The following PCBP2 variants were observed in gnomAD, a reference collection of about 807,000 sequenced individuals.
The protein encoded by PCBP2 is poly(rC) binding protein 2, also known as poly(rC)-binding protein 2.
A neutral mutation model predicts 50.1 loss-of-function variants in PCBP2; 4 were observed. The observed-to-expected ratio is 0.08, with a 90% CI of 0.04 to 0.18. The LOEUF is 0.18. Among genes scored for constraint, PCBP2 ranks in the 10% least tolerant of loss-of-function variants. The pLI is 1.00. For synonymous variants in PCBP2, 179 were observed against 168.0 expected (o/e 1.07, Z -0.51); for missense variants, 161 against 474.3 (o/e 0.34, Z 6.14).
chr12:53,467,928 C>A (rs555641663), intron 12 of PCBP2, 85 bp downstream of exon 12: 2 of 1,038,412 alleles, frequency 1.9e-6, no homozygotes, highest in South Asian at 2.6e-5. Context: ...GCCCATGAAC[C>A]ATACCAGCAA....
At chr12:53,463,357 A>T (rs1941586785) in intron 8 of PCBP2, among the ~76,000 whole-genome samples, 1 of 152,198 alleles carries the variant, frequency 6.6e-6, no homozygotes, top group Non-Finnish European at 1.5e-5. Flanking sequence ...TAGGTAGATC[A>T]GGTTTTAAAA....
chr12:53,457,741 C>G (rs1312654958), intron 5 of PCBP2, among the ~76,000 whole-genome samples: 1 of 152,072 alleles, frequency 6.6e-6, no homozygotes, highest in Non-Finnish European at 1.5e-5. Context: ...CTTTAGGGGT[C>G]TTAAGTGCTT....
chr12:53,462,367 ATT>A, intron 7 of PCBP2, 124 bp from the exon 8 acceptor site: 1 of 653,202 alleles, frequency 1.5e-6, no homozygotes, highest in Non-Finnish European at 2.6e-6. Context: ...GCCAGAGACA[ATT>A]TGGTAGGTAA....
In PCBP2 at chr12:53,479,883, A is replaced by G. The variant is rs1011741958; in HGVS notation, c.*441A>G. 2.0e-5 allele frequency: 3 copies of G among 153,352 alleles called. No homozygotes were observed. Among genetic ancestry groups the G allele is most frequent in the African/African-American group, 7.3e-5 (3 of 41,374 alleles). 9.5% of individuals were successfully genotyped at this position (153,352 alleles called of 1,614,324 possible). A position where few individuals can be genotyped will look rare whatever the true frequency, so the allele number is the denominator to read the frequency against. ...TCTTGCTGTTATTTTTGTACCTTTTATCCCTCAAAGGACCCTTCTTGGGTT... is the reference window on the plus strand; with the variant it reads ...TCTTGCTGTTATTTTTGTACCTTTTGTCCCTCAAAGGACCCTTCTTGGGTT... On this transcript the variant is annotated 3_prime_UTR_variant, in exon 15 of 15. Transcript: ENST00000546463.
At position 53,452,370 on chromosome 12, in the gene PCBP2, C is replaced by A. The variant is rs1940594000; in HGVS notation, c.-82C>A. On this transcript the variant is annotated 5_prime_UTR_variant, in exon 1 of 15. Transcript: ENST00000546463. ...CCCTTTTCCCCTCAGTCGCCTCGCG[C>A]CTGCAGGTAAGCCTAAAAATTTCCC... 1 of 147,312 alleles carries A rather than the reference C, an allele frequency of 6.8e-6. No homozygotes were observed. The allele number at this position is 147,312 out of a possible 1,614,324, so 9.1% of individuals were successfully genotyped here.
chr12:53,454,066 A>G (rs1351567131), intron 1 of PCBP2, among the ~76,000 whole-genome samples: 1 of 152,236 alleles, frequency 6.6e-6, no homozygotes, highest in African/African-American at 2.4e-5. Context: ...GGAATAGGAG[A>G]AAAAGACTCA....
intron 14 of PCBP2, among the ~76,000 whole-genome samples, chr12:53,472,912 G>A (rs1418622397): frequency 1.3e-5 from 2 of 152,114 alleles, no homozygotes; most frequent in Admixed American, 6.6e-5. Flanking sequence ...AAGCACACTA[G>A]GTCCTTAATG....
chr12:53,462,576 A>G lies in PCBP2; in HGVS notation c.579+9A>G. 3 of 1,609,850 alleles carry G rather than the reference A, an allele frequency of 1.9e-6. No homozygotes were observed. Among genetic ancestry groups the G allele is most frequent in the Non-Finnish European group, 2.5e-6 (3 of 1,176,654 alleles). On this transcript the variant is annotated intron_variant, in intron 8 of 14. Transcript: ENST00000546463. Reference sequence around the variant, plus strand: ...TCTTTGCAGGTGGTCAGGTAAGAAAATTCTCATTTGTGGGCTAGAATGAAC... The same window carrying G: ...TCTTTGCAGGTGGTCAGGTAAGAAAGTTCTCATTTGTGGGCTAGAATGAAC...
At chr12:53,462,196 A>G (rs1941498566) in intron 7 of PCBP2, among the ~76,000 whole-genome samples, 1 of 152,218 alleles carries the variant, frequency 6.6e-6, no homozygotes, top group Admixed American at 6.5e-5. Context: ...TACGTTTAAC[A>G]GTTTTTCATG....
chr12:53,461,865 A>G (rs1941472276), intron 7 of PCBP2, among the ~76,000 whole-genome samples: 1 of 151,820 alleles, frequency 6.6e-6, no homozygotes. Context: ...GCGCCACCAC[A>G]CCTGGCTAAT....
intron 5 of PCBP2, among the ~76,000 whole-genome samples, chr12:53,456,794 G>A (rs1012571721): frequency 6.6e-6 from 1 of 152,084 alleles, no homozygotes; most frequent in African/African-American, 2.4e-5. Flanking sequence ...TGTTGTCCTG[G>A]GTCTTGTATT....
At chr12:53,469,881 A>ACCC (rs1385695360) in intron 13 of PCBP2, among the ~76,000 whole-genome samples, 1 of 149,710 alleles carries the variant, frequency 6.7e-6, no homozygotes, top group Non-Finnish European at 1.5e-5. Context: ...AGATGGGACT[A>ACCC]CAGGCATGTG....
chr12:53,465,025 C>A, intron 9 of PCBP2, 173 bp downstream of exon 9: 1 of 700,382 alleles, frequency 1.4e-6, no homozygotes, highest in Non-Finnish European at 2.0e-6. Flanking sequence ...GCGTAGCCCA[C>A]CAGATGGTAA....
intron 14 of PCBP2, among the ~76,000 whole-genome samples, chr12:53,473,593 G>GGTAGAGTGGCT (rs1280525173): frequency 1.2e-4 from 18 of 152,164 alleles, no homozygotes; most frequent in Non-Finnish European, 2.4e-4. Context: ...GAATTCTCTT[G>GGTAGAGTGGCT]GTAGAGTGGC....
intron 8 of PCBP2, among the ~76,000 whole-genome samples, chr12:53,463,929 T>C (rs1941625370): frequency 6.6e-6 from 1 of 152,230 alleles, no homozygotes; most frequent in Admixed American, 6.5e-5. Flanking sequence ...AACAAGTTTT[T>C]AGAGGTTTAG....
At chr12:53,471,590 G>A in intron 13 of PCBP2, 48 bp from the exon 14 acceptor site, 5 of 1,531,300 alleles carry the variant, frequency 3.3e-6, no homozygotes, top group Non-Finnish European at 4.4e-6. Context: ...CTTAGACCTA[G>A]CCATGCAACT....
At position 53,462,536 on chromosome 12, in the gene PCBP2, C is replaced by G; in HGVS notation, c.548C>G (p.Ser183Cys). The change falls in exon 8 of 15, where the codon TCC (serine) becomes TGC (cysteine). Residue 183 changes from serine (S) to cysteine (C), a missense_variant. By Grantham distance (112) the Ser-to-Cys change is moderately radical. This residue lies in a region of PCBP2 where 35 missense variants were observed against 45.5 expected (regional missense o/e 0.77). Transcript: ENST00000546463. ...GVTIPYRPKP[S>C]SSPVIFAGGQ... ...ACCATCCCGTACCGGCCCAAGCCGT[C>G]CAGCTCTCCGGTCATCTTTGCAGGT... 6.2e-7 allele frequency: 1 copy of G among 1,613,606 alleles called. No homozygotes were observed. Among genetic ancestry groups the G allele is most frequent in the Non-Finnish European group, 8.5e-7 (1 of 1,179,604 alleles).
chr12:53,459,128 T>C (rs1196023607), intron 5 of PCBP2, 144 bp from the exon 6 acceptor site: 1 of 516,594 alleles, frequency 1.9e-6, no homozygotes, highest in Non-Finnish European at 3.2e-6. Context: ...GAGAGGGGCA[T>C]GGTATTTGAA....
chr12:53,472,054 G>A (rs1185544158), intron 14 of PCBP2, among the ~76,000 whole-genome samples: 1 of 151,786 alleles, frequency 6.6e-6, no homozygotes, highest in Non-Finnish European at 1.5e-5. Context: ...TTTGGTAAGA[G>A]GGAAGAGTGG....
Sources: gnomAD v4.1 joint callset for allele counts (sites outside exome capture counted in the v4.1 genomes callset) on GRCh38, gnomAD v4.1.1 for gene constraint, gnomAD v4.1.1 regional missense constraint, MANE v1.5 for transcripts, NCBI Gene and HGNC (gene_info 2026-07-23, HGNC 2026-07-21) for gene names.